The following PLCD4 variants were observed in gnomAD, a reference collection of about 807,000 sequenced individuals.
The protein encoded by PLCD4 is phospholipase C delta 4.
PLCD4 carries 63 observed loss-of-function variants against 90.2 expected under a neutral mutation model. The ratio of observed to expected loss-of-function variants is 0.70; its 90% confidence interval spans 0.57 to 0.86. PLCD4 has a LOEUF of 0.86. Among genes scored for constraint, PLCD4 ranks in the 40% least tolerant of loss-of-function variants. PLCD4 has a pLI of 0.00. For synonymous variants in PLCD4, 294 were observed against 356.5 expected (o/e 0.82, Z 1.97); for missense variants, 830 against 956.3 (o/e 0.87, Z 1.74).
intron 1 of PLCD4, among the ~76,000 whole-genome samples, chr2:218,608,482 G>C (rs532191405): frequency 6.6e-6 from 1 of 152,304 alleles, no homozygotes; most frequent in Admixed American, 6.5e-5. Context: ...TGGTAATAGA[G>C]AGAGTTATGA....
At chr2:218,630,180 A>AAAAAC (rs1326450701) in intron 8 of PLCD4, among the ~76,000 whole-genome samples, 1 of 152,232 alleles carries the variant, frequency 6.6e-6, no homozygotes, top group Non-Finnish European at 1.5e-5. Flanking sequence ...CTCCATCTCA[A>AAAAAC]AAAACAAAAC....
intron 10 of PLCD4, 69 bp from the exon 11 acceptor site, chr2:218,633,536 A>C: frequency 4.8e-5 from 72 of 1,501,096 alleles, no homozygotes; most frequent in Non-Finnish European, 6.2e-5. Context: ...TTTAGGTTGG[A>C]TGGCCATTAT....
chr2:218,620,858 C>T (rs867663586), intron 4 of PLCD4, among the ~76,000 whole-genome samples: 3 of 131,294 alleles, frequency 2.3e-5, no homozygotes, highest in South Asian at 2.5e-4. Flanking sequence ...TTCCCTAGTG[C>T]ACTCCAGCCT....
intron 4 of PLCD4, among the ~76,000 whole-genome samples, chr2:218,620,494 C>T (rs1025855270): frequency 1.3e-5 from 2 of 151,598 alleles, no homozygotes; most frequent in Admixed American, 1.3e-4. Context: ...GAGTTAGACT[C>T]TGTCTCCAAA....
intron 1 of PLCD4, chr2:218,609,878 G>C (rs1209712218): frequency 6.6e-6 from 1 of 152,304 alleles, no homozygotes; most frequent in East Asian, 1.9e-4. Context: ...AGTCAAAAGA[G>C]GGAACCAACT....
chr2:218,631,226 G>A (rs1575034982), intron 9 of PLCD4, among the ~76,000 whole-genome samples: 2 of 152,060 alleles, frequency 1.3e-5, no homozygotes, highest in East Asian at 3.9e-4. Context: ...GTGCAATGGT[G>A]CGATCTCAGC....
intron 1 of PLCD4, among the ~76,000 whole-genome samples, chr2:218,611,345 G>A (rs1286018986): frequency 6.6e-6 from 1 of 152,194 alleles, no homozygotes; most frequent in African/African-American, 2.4e-5. Flanking sequence ...AGTCTCCAAA[G>A]TAAGGGTGTT....
At position 218,622,627 on chromosome 2, in the gene PLCD4, C is replaced by T; in HGVS notation, c.541-20C>T. ...TCCCATTAAAAGTTTCATTCACTCT[C>T]CCCTAAACCTCTCTTGCAGGCAGCA... On this transcript the variant is annotated intron_variant, in intron 5 of 15. Coordinates refer to ENST00000450993, the MANE Select transcript of PLCD4 (RefSeq NM_032726.4). 4 of 1,586,528 alleles carry T rather than the reference C, an allele frequency of 2.5e-6. No homozygotes were observed. The highest frequency in any genetic ancestry group is 4.5e-5 in the East Asian group (2 of 44,608).
Position 218,618,757 on chromosome 2 carries a change from G to A in PLCD4, c.360G>A (p.Gln120=). The A allele has an allele frequency of 6.2e-7, 1 of 1,607,632 alleles. No individual in the cohort carries two copies. The highest frequency in any genetic ancestry group is 8.5e-7 in the Non-Finnish European group (1 of 1,177,092). ...EEAQIWMRGL[Q]LLVDLVTSMD... is the part of the protein sequence containing the mutation. The stretch of plus-strand genomic sequence containing the variant: ...CCCAGATATGGATGCGAGGGCTCCA[G>A]CTGTTGGTGGATCTTGTCACCAGCA... The change falls in exon 4 of 16, where the codon CAG becomes CAA. Residue 120 remains glutamine (Q), a synonymous_variant. Coordinates refer to ENST00000450993, the MANE Select transcript of PLCD4 (RefSeq NM_032726.4).
chr2:218,630,021 T>C (rs2106153525), intron 8 of PLCD4, among the ~76,000 whole-genome samples: 2 of 152,102 alleles, frequency 1.3e-5, no homozygotes, highest in African/African-American at 4.8e-5. Context: ...CTATTAAAAA[T>C]AGAAAATTAG....
intron 9 of PLCD4, among the ~76,000 whole-genome samples, chr2:218,631,805 AAAG>A (rs1310817965): frequency 1.3e-5 from 2 of 152,144 alleles, no homozygotes; most frequent in South Asian, 2.1e-4. Context: ...AAAAAAAAAA[AAAG>A]GATTATTCAA....
Position 218,628,087 on chromosome 2 carries a change from T to G in PLCD4, c.831T>G (p.Asp277Glu). ...DGFLSYLCSK[D>E]GDIFNPACLP... is the part of the protein sequence containing the mutation. ...TCCTCAGCTACCTCTGCTCTAAGGA[T>G]GGAGACATCTTCAACCCAGCCTGCC... The change falls in exon 7 of 16, where the codon GAT becomes GAG. Residue 277 changes from aspartate to glutamate, a missense_variant. Asp to Glu is a conservative substitution (Grantham distance 45). Transcript: ENST00000450993. The G allele has an allele frequency of 6.2e-7, 1 of 1,614,010 alleles. No homozygotes were observed. Among genetic ancestry groups the G allele is most frequent in the Non-Finnish European group, 8.5e-7 (1 of 1,179,886 alleles).
rs967158997 is a variant in PLCD4 at position 218,622,753 on chromosome 2, C to T, written c.647C>T (p.Ser216Leu). Residue 216 changes from serine to leucine, a missense_variant, in exon 6 of 16, where the codon TCA (serine) becomes TTA (leucine). Coordinates refer to ENST00000450993, the MANE Select transcript of PLCD4 (RefSeq NM_032726.4). ...GTGCAGGAACTGTTTGAAAGTTTTT[C>T]AGCTGATGGGCAGAAGCTGACTCTG... ...AEVQELFESF[S>L]ADGQKLTLLE... is the part of the protein sequence containing the mutation. 1 of 1,613,968 alleles carries T rather than the reference C, an allele frequency of 6.2e-7. No homozygotes were observed. Among genetic ancestry groups the T allele is most frequent in the African/African-American group, 1.3e-5 (1 of 75,018 alleles).
At chr2:218,618,832 G>T in intron 4 of PLCD4, 25 bp downstream of exon 4, 1 of 1,553,754 alleles carries the variant, frequency 6.4e-7, no homozygotes, top group Non-Finnish European at 8.7e-7. Context: ...GAGTCAGGGT[G>T]GGGGTGAGGG....
Position 218,633,721 on chromosome 2 carries a change from T to C in PLCD4, c.1566T>C (p.Ser522=), listed in dbSNP as rs781183449. The C allele has an allele frequency of 1.4e-5, 23 of 1,614,008 alleles. No individual in the cohort carries two copies. In the South Asian group the frequency reaches 2.5e-4, roughly 18 times the overall value. Residue 522 remains serine (S), a synonymous_variant, in exon 11 of 16, where the codon TCT becomes TCC. Coordinates refer to ENST00000450993, the MANE Select transcript of PLCD4 (RefSeq NM_032726.4). ...KEHYHFYEIS[S]FSETKAKRLI... ...ACTACCACTTCTACGAGATATCATC[T>C]TTCTCTGAAACCAAGGCCAAGCGCC...
Position 218,615,691 on chromosome 2 carries a change from T to C in PLCD4, c.-33-16T>C, listed in dbSNP as rs368127801. On this transcript the variant is annotated splice_polypyrimidine_tract_variant and intron_variant, in intron 1 of 15. Coordinates refer to ENST00000450993, the MANE Select transcript of PLCD4 (RefSeq NM_032726.4). ...AAGATTCACCCAGAGCCCTTTGCTCTTCCTTGCTCCTTTAGGTGATCTGGT... is the reference window on the plus strand; with the variant it reads ...AAGATTCACCCAGAGCCCTTTGCTCCTCCTTGCTCCTTTAGGTGATCTGGT... 5.0e-5 allele frequency: 77 copies of C among 1,548,664 alleles called. No individual in the cohort carries two copies. Among genetic ancestry groups the C allele is most frequent in the Non-Finnish European group, 1.2e-5 (14 of 1,149,582 alleles).
At position 218,637,035 on chromosome 2, in the gene PLCD4, G is replaced by C. The variant is rs969568150; in HGVS notation, c.*458G>C. ...AGGGAAGGATAAATCAAGGCTCAAGGCTTCCCCAGCAAAGATTAGGGAAAG... is the reference window on the plus strand; with the variant it reads ...AGGGAAGGATAAATCAAGGCTCAAGCCTTCCCCAGCAAAGATTAGGGAAAG... On this transcript the variant is annotated 3_prime_UTR_variant, in exon 16 of 16. Coordinates refer to ENST00000450993, the MANE Select transcript of PLCD4 (RefSeq NM_032726.4). 42 of 406,974 alleles carry C rather than the reference G, an allele frequency of 1.0e-4. No individual in the cohort carries two copies. Among genetic ancestry groups the C allele is most frequent in the African/African-American group, 8.5e-4 (41 of 48,226 alleles). The allele number at this position is 406,974 out of a possible 1,614,324, so 25.2% of individuals were successfully genotyped here.
Position 218,634,694 on chromosome 2 carries a change from TG to T in PLCD4, c.1896+66del. On this transcript the variant is annotated intron_variant, in intron 13 of 15. Transcript: ENST00000450993. The surrounding 1 kb of genome is among the most constrained non-coding windows in gnomAD (Gnocchi z 4.0). The stretch of plus-strand genomic sequence containing the variant: ...ACTGGGATAGAAGTGAGGGAAGAGG[TG>T]GCTAGGCCTGACCGGAATGTAGAGG... 1.3e-6 allele frequency: 2 copies of T among 1,553,810 alleles called. No homozygotes were observed. The highest frequency in any genetic ancestry group is 1.8e-6 in the Non-Finnish European group (2 of 1,139,696).
intron 9 of PLCD4, among the ~76,000 whole-genome samples, chr2:218,631,378 G>C (rs961623930): frequency 1.3e-5 from 2 of 152,050 alleles, no homozygotes; most frequent in Admixed American, 1.3e-4. Flanking sequence ...TAGCCAGGCT[G>C]GTCTTGAATC....
Sources: allele counts gnomAD v4.1 joint callset (sites outside exome capture counted in the v4.1 genomes callset), GRCh38; gene constraint gnomAD v4.1.1; non-coding constraint Gnocchi (gnomAD v3.1); transcripts MANE v1.5; gene names NCBI Gene and HGNC (gene_info 2026-07-23, HGNC 2026-07-21).